The following F8 variants were observed in gnomAD, a reference collection of about 807,000 sequenced individuals.
F8 encodes antihemophilic factor.
Under a neutral mutation model 140.6 loss-of-function variants are expected in F8, and 12 were observed. The observed-to-expected ratio is 0.09, with a 90% CI of 0.05 to 0.14. F8 has a LOEUF of 0.14. F8 is among the 10% of genes least tolerant of loss of function. The pLI is 1.00. For missense variants in F8, 1,354 were observed against 1,720.7 expected, an observed-to-expected ratio of 0.79 and a Z score of 3.77; for synonymous variants, 585 against 614.6, an observed-to-expected ratio of 0.95 and a Z score of 0.71.
chrX:154,844,936 A>G (rs1478868104), intron 25 of F8, among the ~76,000 whole-genome samples: 11 of 109,817 alleles, frequency 1.0e-4, no homozygotes, highest in African/African-American at 3.7e-4. Context: ...GTTTGTCATA[A>G]ATAGCTCTTA....
chrX:154,966,695 C>T lies in F8; in HGVS notation c.1010-8G>A, dbSNP rs372232993. 6 of 1,208,451 alleles carry T rather than the reference C, an allele frequency of 5.0e-6. No homozygotes were observed. In the South Asian group the frequency reaches 5.3e-5, roughly 11 times the overall value. On this transcript the variant is annotated splice_polypyrimidine_tract_variant and splice_region_variant and intron_variant, in intron 7 of 25. Transcript: ENST00000360256. Reference sequence around the variant, plus strand: ...CATAAGCTTCCATGCCATCTGGAGTCAGACAAACCAAACAATGTCAGAGTG... The same window carrying T: ...CATAAGCTTCCATGCCATCTGGAGTTAGACAAACCAAACAATGTCAGAGTG...
At chrX:154,890,734 C>T (rs1168786932) in intron 22 of F8, among the ~76,000 whole-genome samples, 1 of 112,134 alleles carries the variant, frequency 8.9e-6, no homozygotes, top group East Asian at 2.8e-4. Flanking sequence ...AATCATATAA[C>T]GATTGGAAAA....
intron 1 of F8, among the ~76,000 whole-genome samples, chrX:155,004,837 G>C (rs1231821958): frequency 8.9e-6 from 1 of 112,188 alleles, no homozygotes; most frequent in Non-Finnish European, 1.9e-5. Context: ...AGGACAGCTT[G>C]TTGAAGGCAC....
chrX:154,874,105 G>C (rs1325531655), intron 22 of F8, among the ~76,000 whole-genome samples: 1 of 112,293 alleles, frequency 8.9e-6, no homozygotes, highest in Non-Finnish European at 1.9e-5. Flanking sequence ...TAATGGGTAA[G>C]AAACTCAAAC....
Position 154,857,861 on chromosome X carries a change from G to A in F8, c.6900+2571C>T, listed in dbSNP as rs192912352. On this transcript the variant is annotated intron_variant, in intron 25 of 25. Coordinates refer to ENST00000360256, the MANE Select transcript of F8 (RefSeq NM_000132.4). ...AATAATCAAGTAAATATGATGGGCC[G>A]GGTGCAGTGGCTCACGCCTGTAATC... Among the ~76,000 whole-genome samples the A allele has an allele frequency of 4.9e-3, 556 of 112,603 alleles. 3 individuals are homozygous for A. The highest frequency in any genetic ancestry group is 0.017 in the African/African-American group (522 of 31,096).
intron 9 of F8, among the ~76,000 whole-genome samples, chrX:154,963,889 G>T (rs1175446837): frequency 9.2e-6 from 1 of 109,147 alleles, no homozygotes; most frequent in Non-Finnish European, 1.9e-5. Flanking sequence ...TGCCCAGGGT[G>T]GAGTGCAGTG....
At chrX:154,877,932 A>G (rs1395342902) in intron 22 of F8, among the ~76,000 whole-genome samples, 1 of 111,608 alleles carries the variant, frequency 9.0e-6, no homozygotes, top group Non-Finnish European at 1.9e-5. Flanking sequence ...ATGACTGACT[A>G]TACAAATCCT....
intron 22 of F8, among the ~76,000 whole-genome samples, chrX:154,867,136 A>G (rs1557273204): frequency 8.9e-6 from 1 of 111,940 alleles, no homozygotes; most frequent in African/African-American, 3.2e-5. Context: ...CCAAAACTGA[A>G]TAACAAAGAA....
Position 154,931,354 on chromosome X carries a change from G to A in F8, c.2436C>T (p.Leu812=). 2 of 1,210,891 alleles carry A rather than the reference G, an allele frequency of 1.7e-6. No homozygotes were observed. The highest frequency in any genetic ancestry group is 1.1e-6 in the Non-Finnish European group (1 of 894,650). The part of the protein sequence containing the change: ...QNVSSSDLLM[L]LRQSPTPHGL... ...CATGTGGAGTAGGACTCTGTCGCAA[G>A]AGCATCAACAAATCACTAGAGGAGA... The change falls in exon 14 of 26, where the codon CTC becomes CTT. Residue 812 remains leucine (L), a synonymous_variant. Coordinates refer to ENST00000360256, the MANE Select transcript of F8 (RefSeq NM_000132.4).
chrX:154,861,596 G>T (rs2072691174), intron 24 of F8, 122 bp downstream of exon 24: 2 of 905,761 alleles, frequency 2.2e-6, no homozygotes, highest in Non-Finnish European at 3.2e-6. Flanking sequence ...AAACTTCCTT[G>T]ACACACTTTT....
At chrX:154,922,637 T>C (rs1333220557) in intron 14 of F8, among the ~76,000 whole-genome samples, 1 of 112,357 alleles carries the variant, frequency 8.9e-6, no homozygotes, top group African/African-American at 3.2e-5. Context: ...AGCAGCGTCC[T>C]GAAGGAAGTA....
intron 22 of F8, among the ~76,000 whole-genome samples, chrX:154,871,088 G>C (rs781915510): frequency 5.3e-5 from 6 of 112,390 alleles, no homozygotes; most frequent in South Asian, 3.6e-4. Flanking sequence ...CTCATGGATA[G>C]GAAGAATCAT....
intron 22 of F8, among the ~76,000 whole-genome samples, chrX:154,881,276 C>T (rs1451066554): frequency 1.1e-5 from 1 of 87,522 alleles, no homozygotes; most frequent in African/African-American, 5.1e-5. Flanking sequence ...TGTCTTGGCT[C>T]CTGCCTACCT....
chrX:154,893,940 A>G (rs1313827689), intron 22 of F8, among the ~76,000 whole-genome samples: 1 of 111,703 alleles, frequency 9.0e-6, no homozygotes, highest in Admixed American at 9.5e-5. Flanking sequence ...TTTGTCATCT[A>G]TTGTCTCTAA....
chrX:154,874,698 G>A (rs2072798967), intron 22 of F8, among the ~76,000 whole-genome samples: 1 of 112,091 alleles, frequency 8.9e-6, no homozygotes, highest in African/African-American at 3.2e-5. Flanking sequence ...AAAGACAAAA[G>A]ATGACAAATG....
intron 14 of F8, among the ~76,000 whole-genome samples, chrX:154,925,745 G>A (rs1268493810): frequency 8.9e-6 from 1 of 112,947 alleles, no homozygotes; most frequent in African/African-American, 3.2e-5. Flanking sequence ...TATCTAGGAA[G>A]TAACTAACTT....
chrX:154,981,726 C>G (rs1385263643), intron 6 of F8, among the ~76,000 whole-genome samples: 2 of 110,948 alleles, frequency 1.8e-5, no homozygotes, highest in East Asian at 5.6e-4. Flanking sequence ...GACTCTTGAA[C>G]AATACAGGTT....
chrX:154,860,543 A>G lies in F8; in HGVS notation c.6789T>C (p.Thr2263=). 3.3e-6 allele frequency: 4 copies of G among 1,211,244 alleles called. No homozygotes were observed. The highest frequency in any genetic ancestry group is 4.5e-6 in the Non-Finnish European group (4 of 895,004). Residue 2263 remains threonine (T), a synonymous_variant, in exon 25 of 26, where the codon ACT becomes ACC. Coordinates refer to ENST00000360256, the MANE Select transcript of F8 (RefSeq NM_000132.4). ...TAAGCAGAGATTTTACTCCCTGAGT[A>G]GTTACTCCTGTGACTTTCATTGTCT... ...FQKTMKVTGV[T]TQGVKSLLTS... is the part of the protein sequence containing the mutation.
At chrX:154,991,357 A>C (rs1557284662) in intron 4 of F8, among the ~76,000 whole-genome samples, 2 of 112,427 alleles carry the variant, frequency 1.8e-5, no homozygotes, top group African/African-American at 6.5e-5. Context: ...AGTGGGGAAA[A>C]AGGTATACTC....
Sources: gnomAD v4.1 joint callset for allele counts (sites outside exome capture counted in the v4.1 genomes callset) on GRCh38, gnomAD v4.1.1 for gene constraint, MANE v1.5 for transcripts, NCBI Gene and HGNC (gene_info 2026-07-23, HGNC 2026-07-21) for gene names.